Variants in GPC6 observed in about 807,000 individuals in gnomAD.
The protein encoded by GPC6 is glypican-6.
Under a neutral mutation model 55.2 loss-of-function variants are expected in GPC6, and 14 were observed. That is an observed-to-expected ratio of 0.25 (90% CI 0.17 to 0.40). The LOEUF (loss-of-function observed/expected upper bound fraction) is 0.40, where lower values mean the gene tolerates loss of function less well. Among genes scored for constraint, GPC6 ranks in the 10% least tolerant of loss-of-function variants. The pLI is 1.00. For synonymous variants in GPC6, 278 were observed against 259.6 expected (o/e 1.07, Z -0.68); for missense variants, 641 against 708.5 (o/e 0.90, Z 1.08).
intron 1 of GPC6, among the ~76,000 whole-genome samples, chr13:93,253,850 A>C (rs1876866213): frequency 6.6e-6 from 1 of 152,156 alleles, no homozygotes; most frequent in African/African-American, 2.4e-5. Flanking sequence ...CAAGGGAGAG[A>C]TTTAATGTAA....
At chr13:93,369,558 A>G (rs976805488) in intron 1 of GPC6, among the ~76,000 whole-genome samples, 3 of 152,114 alleles carry the variant, frequency 2.0e-5, no homozygotes, top group East Asian at 1.9e-4. Flanking sequence ...TTACAATACT[A>G]TTAGTAGTCA....
At chr13:94,124,602 A>T (rs572776633) in intron 4 of GPC6, among the ~76,000 whole-genome samples, 37 of 152,144 alleles carry the variant, frequency 2.4e-4, no homozygotes, top group African/African-American at 8.7e-4. Flanking sequence ...TATAGAGTAA[A>T]AGGGGGAAAC....
chr13:93,594,963 A>G (rs562090632), intron 2 of GPC6, among the ~76,000 whole-genome samples: 1 of 152,092 alleles, frequency 6.6e-6, no homozygotes, highest in South Asian at 2.1e-4. Context: ...TTGACATACG[A>G]ATTTGGGGAT....
chr13:94,242,122 A>G (rs1250899570), intron 4 of GPC6, among the ~76,000 whole-genome samples: 1 of 151,610 alleles, frequency 6.6e-6, no homozygotes, highest in Non-Finnish European at 1.5e-5. Context: ...CCTGTGTCCA[A>G]GTGTTCTCAT....
chr13:93,491,701 G>C (rs1208605965), intron 1 of GPC6, among the ~76,000 whole-genome samples: 1 of 136,976 alleles, frequency 7.3e-6, no homozygotes, highest in Non-Finnish European at 1.6e-5. Context: ...TTTTGTATAA[G>C]GTGTAAGGAA....
intron 4 of GPC6, among the ~76,000 whole-genome samples, chr13:94,207,745 T>A (rs938963181): frequency 6.6e-6 from 1 of 152,118 alleles, no homozygotes; most frequent in Non-Finnish European, 1.5e-5. Context: ...GGGAATCTGG[T>A]GGTTTGGGTT....
chr13:93,757,806 T>G (rs1212266663), intron 2 of GPC6, among the ~76,000 whole-genome samples: 1 of 152,148 alleles, frequency 6.6e-6, no homozygotes, highest in Non-Finnish European at 1.5e-5. Context: ...TTAGGCCACC[T>G]ATGAATGCTT....
chr13:93,683,091 T>C (rs1290825345), intron 2 of GPC6, among the ~76,000 whole-genome samples: 2 of 151,476 alleles, frequency 1.3e-5, no homozygotes, highest in Non-Finnish European at 2.9e-5. Context: ...TCCATGTAAC[T>C]CTGAAAAATA....
chr13:93,780,011 T>C (rs1422204708), intron 2 of GPC6, among the ~76,000 whole-genome samples: 1 of 152,088 alleles, frequency 6.6e-6, no homozygotes, highest in Non-Finnish European at 1.5e-5. Context: ...ATCTTACAAA[T>C]AGAGAACCAG....
At chr13:93,890,883 T>A (rs1875644011) in intron 3 of GPC6, among the ~76,000 whole-genome samples, 1 of 152,016 alleles carries the variant, frequency 6.6e-6, no homozygotes, top group Admixed American at 6.6e-5. Flanking sequence ...GTTTATTATA[T>A]AACCAGAAAA....
chr13:93,906,798 G>T (rs78021754), intron 3 of GPC6, among the ~76,000 whole-genome samples: 2,446 of 152,234 alleles, frequency 0.016, 31 homozygotes, highest in Non-Finnish European at 0.026. Context: ...TGAACACAAA[G>T]GGGGATAAAA....
At chr13:94,119,290 T>C (rs1360145955) in intron 4 of GPC6, among the ~76,000 whole-genome samples, 1 of 151,874 alleles carries the variant, frequency 6.6e-6, no homozygotes, top group Non-Finnish European at 1.5e-5. Context: ...AAAGATGCAG[T>C]ATGTCAGTTG....
intron 3 of GPC6, among the ~76,000 whole-genome samples, chr13:93,904,819 A>C (rs985582140): frequency 6.6e-6 from 1 of 152,116 alleles, no homozygotes; most frequent in Admixed American, 6.5e-5. Context: ...GTACGTGTGC[A>C]CAATGTGCAG....
chr13:93,812,284 G>A (rs1886720938), intron 2 of GPC6, among the ~76,000 whole-genome samples: 6 of 152,030 alleles, frequency 3.9e-5, no homozygotes, highest in Admixed American at 2.6e-4. Flanking sequence ...AGCTACTTGG[G>A]AGGCTGAGGC....
intron 4 of GPC6, among the ~76,000 whole-genome samples, chr13:94,266,759 G>A (rs1891831573): frequency 6.6e-6 from 1 of 152,150 alleles, no homozygotes; most frequent in African/African-American, 2.4e-5. Context: ...CCTGAAGTCT[G>A]GTATCAAGTA....
chr13:94,299,016 A>G (rs1004452823), intron 5 of GPC6, among the ~76,000 whole-genome samples: 2 of 152,198 alleles, frequency 1.3e-5, no homozygotes, highest in Non-Finnish European at 2.9e-5. Context: ...GGGGACGATT[A>G]TGACTAAAAA....
chr13:93,451,649 A>G (rs1177016199), intron 1 of GPC6, among the ~76,000 whole-genome samples: 2 of 152,222 alleles, frequency 1.3e-5, no homozygotes, highest in African/African-American at 2.4e-5. Context: ...AATGCCTAAC[A>G]TTTATGCTAA....
chr13:93,368,837 G>A (rs1881353990), intron 1 of GPC6, among the ~76,000 whole-genome samples: 1 of 152,052 alleles, frequency 6.6e-6, no homozygotes, highest in Non-Finnish European at 1.5e-5. Flanking sequence ...GTCATCTGTA[G>A]GCATTTGCTG....
At chr13:93,720,899 G>C (rs750105520) in intron 2 of GPC6, among the ~76,000 whole-genome samples, 2 of 151,986 alleles carry the variant, frequency 1.3e-5, no homozygotes, top group African/African-American at 2.4e-5. Flanking sequence ...TTAATCCTGA[G>C]TTCTAATTTG....
Sources: allele counts gnomAD v4.1 joint callset (sites outside exome capture counted in the v4.1 genomes callset), GRCh38; gene constraint gnomAD v4.1.1; transcripts MANE v1.5; gene names NCBI Gene and HGNC (gene_info 2026-07-23, HGNC 2026-07-21).